ETFA: variants seen among roughly 807,000 people sequenced by gnomAD.
The protein encoded by ETFA is electron transfer flavoprotein subunit alpha, mitochondrial.
ETFA carries 22 observed loss-of-function variants against 46.2 expected under a neutral mutation model. The observed-to-expected ratio is 0.48, with a 90% CI of 0.34 to 0.68. The LOEUF is 0.68. ETFA is among the 30% of genes least tolerant of loss of function. The probability of loss-of-function intolerance (pLI) is 0.01; values close to 1 mark genes in which losing one functional copy is unlikely to be tolerated. For missense variants in ETFA, 345 were observed against 401.1 expected (o/e 0.86, Z 1.19); for synonymous variants, 131 against 139.9 (o/e 0.94, Z 0.45).
At chr15:76,258,839 C>A in intron 9 of ETFA, 1 of 613,698 alleles carries the variant, frequency 1.6e-6, no homozygotes, top group South Asian at 2.0e-5. Flanking sequence ...GTGATTTGGT[C>A]AGTCCAGGCT....
intron 4 of ETFA, among the ~76,000 whole-genome samples, chr15:76,288,186 C>G (rs8039063): frequency 6.6e-6 from 1 of 151,936 alleles, no homozygotes; most frequent in Non-Finnish European, 1.5e-5. Flanking sequence ...TATTAAGCCA[C>G]CTTAATGCAA....
chr15:76,261,076 G>A (rs1567206983), intron 9 of ETFA: 8 of 1,529,128 alleles, frequency 5.2e-6, no homozygotes, highest in Non-Finnish European at 7.2e-6. Flanking sequence ...GAAGAGGCCA[G>A]GCATTTTAGG....
At chr15:76,254,353 G>A (rs1596201180) in intron 9 of ETFA, among the ~76,000 whole-genome samples, 1 of 152,142 alleles carries the variant, frequency 6.6e-6, no homozygotes, top group Non-Finnish European at 1.5e-5. Flanking sequence ...AGGCTGCCAG[G>A]CTAAGACTAA....
At chr15:76,300,337 CT>C (rs1206022395) in intron 1 of ETFA, among the ~76,000 whole-genome samples, 2 of 152,182 alleles carry the variant, frequency 1.3e-5, no homozygotes, top group African/African-American at 4.8e-5. Context: ...CCTCCAGCCC[CT>C]TCCCCATACT....
intron 9 of ETFA, among the ~76,000 whole-genome samples, chr15:76,265,130 T>C (rs2039457419): frequency 6.6e-6 from 1 of 152,198 alleles, no homozygotes; most frequent in Non-Finnish European, 1.5e-5. Context: ...TCCTGTCTCC[T>C]TCCTAGGGAG....
chr15:76,283,334 A>C (rs1465941416), intron 8 of ETFA, among the ~76,000 whole-genome samples: 2 of 152,084 alleles, frequency 1.3e-5, no homozygotes, highest in African/African-American at 4.8e-5. Context: ...TGGGACTACA[A>C]GCACACACCA....
chr15:76,282,846 G>A (rs1045276172), intron 8 of ETFA, among the ~76,000 whole-genome samples: 1 of 151,864 alleles, frequency 6.6e-6, no homozygotes, highest in Non-Finnish European at 1.5e-5. Flanking sequence ...TTCAAAACAG[G>A]GTCTCAATTA....
At chr15:76,307,824 C>T (rs1347255558) in intron 1 of ETFA, among the ~76,000 whole-genome samples, 4 of 152,150 alleles carry the variant, frequency 2.6e-5, no homozygotes, top group Admixed American at 6.6e-5. Flanking sequence ...TAACTATATG[C>T]ACATCGTTAA....
At chr15:76,221,918 A>G (rs2038959080) in intron 11 of ETFA, among the ~76,000 whole-genome samples, 1 of 152,182 alleles carries the variant, frequency 6.6e-6, no homozygotes, top group African/African-American at 2.4e-5. Context: ...ATTCATTTTT[A>G]CTCCAGATAC....
intron 9 of ETFA, among the ~76,000 whole-genome samples, chr15:76,256,087 A>T (rs931334909): frequency 6.6e-6 from 1 of 151,744 alleles, no homozygotes; most frequent in African/African-American, 2.4e-5. Flanking sequence ...GTGAAACCTT[A>T]TCTCCACTAA....
intron 4 of ETFA, among the ~76,000 whole-genome samples, chr15:76,292,059 T>C (rs1049178384): frequency 6.6e-6 from 1 of 152,306 alleles, no homozygotes; most frequent in Admixed American, 6.5e-5. Flanking sequence ...AGATAAAATT[T>C]GGCTTTTCTA....
intron 4 of ETFA, among the ~76,000 whole-genome samples, chr15:76,288,496 G>GGAGTTT (rs1427327244): frequency 1.3e-5 from 2 of 152,152 alleles, no homozygotes; most frequent in African/African-American, 4.8e-5. Flanking sequence ...CCTGAGGCCA[G>GGAGTTT]GAGTTTGAGA....
intron 9 of ETFA, among the ~76,000 whole-genome samples, chr15:76,265,116 C>A (rs1365523366): frequency 6.6e-6 from 1 of 152,230 alleles, no homozygotes. Context: ...CTCTGCAGCA[C>A]AATTCCTGTC....
At chr15:76,278,469 C>T (rs1266045065) in intron 8 of ETFA, among the ~76,000 whole-genome samples, 1 of 152,144 alleles carries the variant, frequency 6.6e-6, no homozygotes, top group Non-Finnish European at 1.5e-5. Flanking sequence ...TCAGAAAAAC[C>T]TCCCTCTTCC....
Position 76,287,844 on chromosome 15 carries a change from A to C in ETFA, c.451+2T>G. Reference sequence around the variant, plus strand: ...GATTAATTATCTTCCTTGAGTACTCACCTGCATAAATAGTTCTCACAAATG... The same window carrying C: ...GATTAATTATCTTCCTTGAGTACTCCCCTGCATAAATAGTTCTCACAAATG... On this transcript the variant is annotated splice_donor_variant, in intron 5 of 11. Transcript: ENST00000557943. LOFTEE classifies it high-confidence loss of function. The C allele has an allele frequency of 6.3e-7, 1 of 1,576,290 alleles. No homozygotes were observed. Among genetic ancestry groups the C allele is most frequent in the South Asian group, 1.1e-5 (1 of 90,358 alleles).
At chr15:76,224,785 T>C (rs1036068491) in intron 11 of ETFA, among the ~76,000 whole-genome samples, 1 of 152,310 alleles carries the variant, frequency 6.6e-6, no homozygotes, top group Admixed American at 6.5e-5. Context: ...CATAAGTGAT[T>C]TCTGCATAAG....
intron 1 of ETFA, among the ~76,000 whole-genome samples, chr15:76,308,805 A>T (rs945012031): frequency 2.0e-5 from 3 of 152,256 alleles, no homozygotes; most frequent in African/African-American, 7.2e-5. Flanking sequence ...ATTACAGTGT[A>T]GTTAGAAAGT....
At chr15:76,274,600 C>G (rs1259938318) in intron 8 of ETFA, 106 bp from the exon 9 acceptor site, 1 of 885,474 alleles carries the variant, frequency 1.1e-6, no homozygotes, top group Non-Finnish European at 1.8e-6. Context: ...ATTCTAAGTA[C>G]TAGTATATTT....
chr15:76,217,709 A>G, intron 11 of ETFA: 1 of 430,552 alleles, frequency 2.3e-6, no homozygotes, highest in Non-Finnish European at 4.7e-6. Context: ...TACTCTGAAA[A>G]CTGGTCCAGC....
Sources: allele counts gnomAD v4.1 joint callset (sites outside exome capture counted in the v4.1 genomes callset), GRCh38; gene constraint gnomAD v4.1.1; transcripts MANE v1.5; gene names NCBI Gene and HGNC (gene_info 2026-07-23, HGNC 2026-07-21).